CCBE1: variants seen among roughly 807,000 people sequenced by gnomAD.
CCBE1 encodes the protein collagen and calcium-binding EGF domain-containing protein 1.
In CCBE1, 37 loss-of-function variants were observed where a neutral mutation model predicts 50.0. The ratio of observed to expected loss-of-function variants is 0.74; its 90% CI spans 0.57 to 0.97. The LOEUF is 0.97. CCBE1 is among the 50% of genes least tolerant of loss of function. The pLI, the probability that CCBE1 is intolerant of heterozygous loss-of-function variation, is 0.00. For missense variants in CCBE1, 538 were observed against 523.8 expected (o/e 1.03, Z -0.26); for synonymous variants, 234 against 203.7 (o/e 1.15, Z -1.27).
intron 2 of CCBE1, among the ~76,000 whole-genome samples, chr18:59,623,249 C>T (rs2053736000): frequency 6.6e-6 from 1 of 152,218 alleles, no homozygotes. Context: ...CCTGATTTCA[C>T]TGGTTACTTC....
chr18:59,442,332 A>G (rs1247635494), intron 7 of CCBE1, among the ~76,000 whole-genome samples: 2 of 152,362 alleles, frequency 1.3e-5, no homozygotes, highest in East Asian at 3.9e-4. Context: ...ACATGCTTGC[A>G]GTATATCTAT....
intron 2 of CCBE1, among the ~76,000 whole-genome samples, chr18:59,587,655 G>C (rs2053197016): frequency 6.6e-6 from 1 of 152,186 alleles, no homozygotes; most frequent in Admixed American, 6.5e-5. Flanking sequence ...GGACGCATTT[G>C]TCTAATCTAT....
chr18:59,561,837 C>A (rs1392881100), intron 2 of CCBE1, among the ~76,000 whole-genome samples: 1 of 152,206 alleles, frequency 6.6e-6, no homozygotes. Flanking sequence ...CCAGCTCAAG[C>A]AGCCGAGACA....
chr18:59,661,850 C>T (rs1303983888), intron 2 of CCBE1, among the ~76,000 whole-genome samples: 1 of 151,974 alleles, frequency 6.6e-6, no homozygotes, highest in Non-Finnish European at 1.5e-5. Context: ...ACCTGTAATC[C>T]CCACTACTTG....
chr18:59,504,600 C>T (rs534666913), intron 2 of CCBE1, among the ~76,000 whole-genome samples: 18 of 152,198 alleles, frequency 1.2e-4, no homozygotes, highest in African/African-American at 1.7e-4. Flanking sequence ...GGGCAGAGAT[C>T]GGAGCAATGC....
intron 2 of CCBE1, among the ~76,000 whole-genome samples, chr18:59,634,128 A>C (rs1381978884): frequency 1.3e-5 from 2 of 152,250 alleles, no homozygotes; most frequent in East Asian, 3.8e-4. Context: ...GCTAAAACTC[A>C]AACTGAAGCC....
chr18:59,576,254 G>A (rs1048236757), intron 2 of CCBE1, among the ~76,000 whole-genome samples: 1 of 152,202 alleles, frequency 6.6e-6, no homozygotes, highest in African/African-American at 2.4e-5. Context: ...GTGAGTGTGT[G>A]TGAACAAATG....
chr18:59,443,049 C>T (rs1019109952), intron 7 of CCBE1, among the ~76,000 whole-genome samples: 1 of 152,148 alleles, frequency 6.6e-6, no homozygotes, highest in African/African-American at 2.4e-5. Flanking sequence ...AGCTCTGAGA[C>T]CATACCGAGT....
At chr18:59,659,021 C>T (rs944989024) in intron 2 of CCBE1, among the ~76,000 whole-genome samples, 1 of 151,984 alleles carries the variant, frequency 6.6e-6, no homozygotes, top group Non-Finnish European at 1.5e-5. Context: ...TCCATCAGCA[C>T]CACATCCCGA....
intron 2 of CCBE1, among the ~76,000 whole-genome samples, chr18:59,531,940 G>C (rs1266627213): frequency 6.6e-6 from 1 of 152,154 alleles, no homozygotes; most frequent in East Asian, 1.9e-4. Flanking sequence ...TTTTCACCTT[G>C]GTCCCTAAAA....
intron 3 of CCBE1, among the ~76,000 whole-genome samples, chr18:59,472,951 G>A (rs1026549470): frequency 1.3e-5 from 2 of 152,158 alleles, no homozygotes; most frequent in African/African-American, 4.8e-5. Context: ...CAGATCTTGT[G>A]AGACTTACCA....
chr18:59,598,308 C>T (rs964506095), intron 2 of CCBE1, among the ~76,000 whole-genome samples: 13 of 152,176 alleles, frequency 8.5e-5, no homozygotes, highest in Non-Finnish European at 1.3e-4. Context: ...TACAGAAAGT[C>T]GCCCCCTCAC....
At chr18:59,574,923 T>A (rs2052971043) in intron 2 of CCBE1, among the ~76,000 whole-genome samples, 2 of 152,124 alleles carry the variant, frequency 1.3e-5, no homozygotes, top group Non-Finnish European at 2.9e-5. Context: ...TTGTTGCAGA[T>A]GTAATTAGTA....
chr18:59,683,281 G>A (rs528414737), intron 2 of CCBE1, among the ~76,000 whole-genome samples: 2 of 152,342 alleles, frequency 1.3e-5, no homozygotes, highest in East Asian at 1.9e-4. Flanking sequence ...ACAGGAGCAT[G>A]TGTCAAACGT....
chr18:59,674,335 A>T lies in CCBE1; in HGVS notation c.212+22294T>A, dbSNP rs150381055. Among the ~76,000 whole-genome samples the T allele has an allele frequency of 2.6e-5, 4 of 152,312 alleles. No homozygotes were observed. In the East Asian group the frequency reaches 7.7e-4, roughly 29 times the overall value. On this transcript the variant is annotated intron_variant, in intron 2 of 10. Transcript: ENST00000439986. Reference sequence around the variant, plus strand: ...GTTCACGTCCTTTGTGGGGACATGAAGCTGGAAACCATTCTCAGCAAACTA... The same window carrying T: ...GTTCACGTCCTTTGTGGGGACATGATGCTGGAAACCATTCTCAGCAAACTA...
At chr18:59,638,138 AG>A (rs1212680465) in intron 2 of CCBE1, among the ~76,000 whole-genome samples, 1 of 152,252 alleles carries the variant, frequency 6.6e-6, no homozygotes, top group Non-Finnish European at 1.5e-5. Flanking sequence ...GGTTTAACTT[AG>A]GAATGCAGAG....
intron 3 of CCBE1, among the ~76,000 whole-genome samples, chr18:59,473,190 T>C (rs1267735779): frequency 6.6e-6 from 1 of 152,212 alleles, no homozygotes; most frequent in Non-Finnish European, 1.5e-5. Context: ...TTTGAGATCA[T>C]GCATGTCTAA....
intron 2 of CCBE1, among the ~76,000 whole-genome samples, chr18:59,645,072 G>A (rs1371343173): frequency 6.6e-6 from 1 of 152,108 alleles, no homozygotes; most frequent in Non-Finnish European, 1.5e-5. Context: ...TGACCAATAT[G>A]GTGAAACCCC....
Position 59,543,846 on chromosome 18 carries a change from A to AAAAAAG in CCBE1, c.213-63609_213-63608insCTTTTT, listed in dbSNP as rs1555690345. Among the ~76,000 whole-genome samples the AAAAAAG allele has an allele frequency of 5.1e-4, 72 of 140,570 alleles. 1 individual carries two copies. The highest frequency in any genetic ancestry group is 1.4e-3 in the African/African-American group (51 of 37,004). The allele number at this position is 140,570 out of a possible 152,430, so 92.2% of individuals were successfully genotyped here. On this transcript the variant is annotated intron_variant, in intron 2 of 10. Transcript: ENST00000439986. ...CGAGACTCCGTCTCAAAAAAAAAAA[A>AAAAAAG]AAAAAAAAAAAACAGAAAACACTAA...
Sources: gnomAD v4.1 joint callset for allele counts (sites outside exome capture counted in the v4.1 genomes callset) on GRCh38, gnomAD v4.1.1 for gene constraint, MANE v1.5 for transcripts, NCBI Gene and HGNC (gene_info 2026-07-23, HGNC 2026-07-21) for gene names.